Variants in TNRC18 observed in about 807,000 individuals in gnomAD.
The protein encoded by TNRC18 is trinucleotide repeat-containing gene 18 protein.
In TNRC18, 69 loss-of-function variants were observed where a neutral mutation model predicts 226.7. That is an observed-to-expected ratio of 0.30 (90% CI 0.25 to 0.37). The LOEUF (loss-of-function observed/expected upper bound fraction) is 0.37. Among genes scored for constraint, TNRC18 ranks in the 10% least tolerant of loss-of-function variants. The pLI, the probability that TNRC18 is intolerant of heterozygous loss-of-function variation, is 1.00. For missense variants in TNRC18, 4,754 were observed against 4,256.6 expected, an observed-to-expected ratio of 1.12 and a Z score of -3.25; for synonymous variants, 2,449 against 1,927.6, an observed-to-expected ratio of 1.27 and a Z score of -7.09.
intron 17 of TNRC18, among the ~76,000 whole-genome samples, chr7:5,348,403 G>A (rs1045948345): frequency 2.0e-5 from 3 of 152,164 alleles, no homozygotes; most frequent in African/African-American, 2.4e-5. Context: ...TCTCCAGGGC[G>A]GGGAGCAGTC....
chr7:5,374,215 G>C lies in TNRC18; in HGVS notation c.3069C>G (p.Tyr1023Ter). ...EDVSKPPAYA[Y>*]PATPSSHPTS... is the part of the protein sequence containing the mutation. ...TGGGGTGGGAGCTGGGGGTGGCGGGGTAGGCGTAGGCGGGTGGCTTGGACA... is the reference window on the plus strand; with the variant it reads ...TGGGGTGGGAGCTGGGGGTGGCGGGCTAGGCGTAGGCGGGTGGCTTGGACA... Residue 1023 changes from tyrosine to a stop codon, truncating the protein, a stop_gained, in exon 10 of 30, where the codon TAC becomes TAG. Transcript: ENST00000430969. LOFTEE classifies it high-confidence loss of function. 2 of 1,481,296 alleles carry C rather than the reference G, an allele frequency of 1.4e-6. No homozygotes were observed. The highest frequency in any genetic ancestry group is 1.8e-6 in the Non-Finnish European group (2 of 1,114,672). 91.8% of individuals were successfully genotyped at this position (1,481,296 alleles called of 1,614,324 possible). A position where few individuals can be genotyped will look rare whatever the true frequency, so the allele number is the denominator to read the frequency against.
At chr7:5,344,695 G>A (rs747959615) in intron 18 of TNRC18, among the ~76,000 whole-genome samples, 4 of 152,148 alleles carry the variant, frequency 2.6e-5, no homozygotes, top group African/African-American at 9.7e-5. Context: ...TGCCGGGGGG[G>A]TCAGAAGGAC....
chr7:5,370,249 G>C lies in TNRC18; in HGVS notation c.4219+126C>G, dbSNP rs566411513. ...GGGGAGGGAAGATCACTTGAGCCCA[G>C]GAGTTTGAGGCTGCAGTGAGCTAAG... On this transcript the variant is annotated intron_variant, in intron 11 of 29. Coordinates refer to ENST00000430969, the MANE Select transcript of TNRC18 (RefSeq NM_001080495.3). 3.5e-6 allele frequency: 4 copies of C among 1,149,894 alleles called. No individual in the cohort carries two copies. The African/African-American group carries it at 4.7e-5, about 13-fold the overall frequency. 71.2% of individuals were successfully genotyped at this position (1,149,894 alleles called of 1,614,324 possible).
intron 24 of TNRC18, among the ~76,000 whole-genome samples, chr7:5,318,506 G>C (rs1309033088): frequency 1.3e-5 from 2 of 152,118 alleles, no homozygotes; most frequent in Admixed American, 1.3e-4. Context: ...ATTCACAAGA[G>C]AAGTTATCCA....
rs1786604745 is a variant in TNRC18 at position 5,307,104 on chromosome 7, T to TGGGCGG, written c.*1001_*1002insCCGCCC. ...TGGGGGGTGAGTACAGTACACTTGG[T>TGGGCGG]GGGGTGGGCGGGGGGTGTGCTGGGG... On this transcript the variant is annotated 3_prime_UTR_variant, in exon 30 of 30. Coordinates refer to ENST00000430969, the MANE Select transcript of TNRC18 (RefSeq NM_001080495.3). The TGGGCGG allele has an allele frequency of 8.4e-6, 1 of 119,328 alleles. No homozygotes were observed. The highest frequency in any genetic ancestry group is 3.3e-5 in the African/African-American group (1 of 30,572). 7.4% of individuals were successfully genotyped at this position (119,328 alleles called of 1,614,324 possible).
Position 5,370,484 on chromosome 7 carries a change from C to G in TNRC18, c.4110G>C (p.Lys1370Asn), listed in dbSNP as rs1794038245. 1.3e-6 allele frequency: 2 copies of G among 1,588,604 alleles called. No homozygotes were observed. The highest frequency in any genetic ancestry group is 2.7e-5 in the African/African-American group (2 of 74,374). The stretch of plus-strand genomic sequence containing the variant: ...AGACAAGGCTCTCGGCTGCTTCCAG[C>G]TTCTCCAAGGCCTGGGCTCCAGCAG... ...PGAAGAQALE[K>N]LEAAESLVLE... Residue 1370 changes from lysine to asparagine, a missense_variant, in exon 11 of 30, where the codon AAG becomes AAC. By Grantham distance (94) the Lys-to-Asn change is moderately conservative. Coordinates refer to ENST00000430969, the MANE Select transcript of TNRC18 (RefSeq NM_001080495.3).
At chr7:5,404,768 G>C (rs1310140621) in intron 2 of TNRC18, among the ~76,000 whole-genome samples, 1 of 143,262 alleles carries the variant, frequency 7.0e-6, no homozygotes, top group Non-Finnish European at 1.6e-5. Context: ...CTTTCAGTGT[G>C]TGTGTGTGTG....
At chr7:5,341,901 C>T (rs146552276) in intron 18 of TNRC18, among the ~76,000 whole-genome samples, 316 of 152,236 alleles carry the variant, frequency 2.1e-3, no homozygotes, top group African/African-American at 7.3e-3. Flanking sequence ...AATACTACTG[C>T]TCATTGACGA....
chr7:5,361,330 G>A (rs1270920842), intron 14 of TNRC18, among the ~76,000 whole-genome samples: 1 of 152,250 alleles, frequency 6.6e-6, no homozygotes, highest in East Asian at 1.9e-4. Flanking sequence ...TGAGGAGGCA[G>A]GCGTGGCAGG....
intron 5 of TNRC18, among the ~76,000 whole-genome samples, chr7:5,382,362 G>C (rs1454726504): frequency 6.6e-6 from 1 of 152,128 alleles, no homozygotes; most frequent in East Asian, 1.9e-4. Flanking sequence ...GTGGGGTGAG[G>C]GTGTCCTGCA....
At chr7:5,402,064 A>C (rs1271523721) in intron 2 of TNRC18, among the ~76,000 whole-genome samples, 2 of 151,772 alleles carry the variant, frequency 1.3e-5, no homozygotes, top group Non-Finnish European at 2.9e-5. Flanking sequence ...CTGTAGTCCC[A>C]GCTACTCCGG....
intron 24 of TNRC18, among the ~76,000 whole-genome samples, chr7:5,316,385 T>C (rs1430869621): frequency 6.7e-6 from 1 of 148,268 alleles, no homozygotes; most frequent in African/African-American, 2.5e-5. Flanking sequence ...GTTCAAGTGA[T>C]TCTCCTGCCT....
At position 5,370,890 on chromosome 7, in the gene TNRC18, C is replaced by T. The variant is rs202083269; in HGVS notation, c.3704G>A (p.Arg1235Gln). ...GPEPRVDSPGRTEPCTAALDL... is the reference protein window; with the variant it reads ...GPEPRVDSPGQTEPCTAALDL... ...CAGGGCGGCGGTGCAGGGTTCTGTCCGGCCCGGGGAATCCACCCGTGGTTC... is the reference window on the plus strand; with the variant it reads ...CAGGGCGGCGGTGCAGGGTTCTGTCTGGCCCGGGGAATCCACCCGTGGTTC... The change falls in exon 11 of 30, where the codon CGG becomes CAG. Residue 1235 changes from arginine to glutamine, a missense_variant. Coordinates refer to ENST00000430969, the MANE Select transcript of TNRC18 (RefSeq NM_001080495.3). The T allele has an allele frequency of 2.4e-5, 39 of 1,606,796 alleles. No homozygotes were observed. Among genetic ancestry groups the T allele is most frequent in the Middle Eastern group, 1.6e-4 (1 of 6,084 alleles).
At chr7:5,341,623 A>G (rs1790692764) in intron 18 of TNRC18, among the ~76,000 whole-genome samples, 2 of 149,266 alleles carry the variant, frequency 1.3e-5, no homozygotes, top group Non-Finnish European at 3.0e-5. Flanking sequence ...AATCAGCCAC[A>G]TGTGGTGGTG....
intron 5 of TNRC18, among the ~76,000 whole-genome samples, chr7:5,378,441 T>C (rs1288417956): frequency 4.6e-5 from 7 of 151,240 alleles, no homozygotes; most frequent in African/African-American, 1.5e-4. Context: ...TTTTTTGAGA[T>C]GGAGTCTCGC....
At position 5,351,926 on chromosome 7, in the gene TNRC18, A is replaced by G; in HGVS notation, c.5363T>C (p.Leu1788Pro). 1.2e-6 allele frequency: 2 copies of G among 1,613,766 alleles called. No homozygotes were observed. The highest frequency in any genetic ancestry group is 1.7e-6 in the Non-Finnish European group (2 of 1,179,822). ...CCTGCTGGTGGCCGGCTTGGGTTTC[A>G]GAGTCCGGGGGGCCGCCAGGCCCCT... ...TKRGLAAPRT[L>P]KPKPATSRKQ... The change falls in exon 17 of 30, where the codon CTG becomes CCG. Residue 1788 changes from leucine (L) to proline (P), a missense_variant. Leu to Pro is a moderately conservative substitution (Grantham distance 98). Transcript: ENST00000430969.
At chr7:5,378,868 C>G (rs1211871473) in intron 5 of TNRC18, among the ~76,000 whole-genome samples, 5 of 150,012 alleles carry the variant, frequency 3.3e-5, no homozygotes, top group African/African-American at 4.9e-5. Context: ...CCACGCAGGC[C>G]TGTGTGTCCC....
At chr7:5,422,066 G>A (rs1454975811) in intron 1 of TNRC18, among the ~76,000 whole-genome samples, 1 of 152,104 alleles carries the variant, frequency 6.6e-6, no homozygotes. Context: ...TCCAAAGCGG[G>A]TTTATTATTT....
At chr7:5,386,691 G>A (rs1218362512) in intron 5 of TNRC18, among the ~76,000 whole-genome samples, 20 of 151,384 alleles carry the variant, frequency 1.3e-4, no homozygotes, top group Admixed American at 1.3e-3. Context: ...TCAAGGCTAC[G>A]GTAAGCTATG....
Sources: gnomAD v4.1 joint callset for allele counts (sites outside exome capture counted in the v4.1 genomes callset) on GRCh38, gnomAD v4.1.1 for gene constraint, MANE v1.5 for transcripts, NCBI Gene and HGNC (gene_info 2026-07-23, HGNC 2026-07-21) for gene names.